Variants in ADAMTS6 observed in about 807,000 individuals in gnomAD.
ADAMTS6 encodes the protein ADAM metallopeptidase with thrombospondin type 1 motif 6.
ADAMTS6 carries 23 observed loss-of-function variants against 144.3 expected under a neutral mutation model. The observed-to-expected ratio is 0.16, with a 90% CI of 0.11 to 0.23. The LOEUF (loss-of-function observed/expected upper bound fraction) is 0.23, where lower values mean the gene tolerates loss of function less well. ADAMTS6 is among the 10% of genes least tolerant of loss of function. ADAMTS6 has a pLI of 1.00. For missense variants in ADAMTS6, 999 were observed against 1,379.6 expected (o/e 0.72, Z 4.37); for synonymous variants, 444 against 457.5 (o/e 0.97, Z 0.38).
chr5:65,424,795 T>C (rs1262145525), intron 7 of ADAMTS6, among the ~76,000 whole-genome samples: 1 of 152,234 alleles, frequency 6.6e-6, no homozygotes, highest in Non-Finnish European at 1.5e-5. Context: ...CCTGATCTTA[T>C]TTATCCTGGC....
At chr5:65,335,055 A>T (rs1278594525) in intron 7 of ADAMTS6, among the ~76,000 whole-genome samples, 1 of 152,164 alleles carries the variant, frequency 6.6e-6, no homozygotes, top group East Asian at 1.9e-4. Flanking sequence ...ATAAATAACG[A>T]TTAGTCAATA....
At chr5:65,329,716 G>C (rs150662382) in intron 8 of ADAMTS6, among the ~76,000 whole-genome samples, 1 of 152,240 alleles carries the variant, frequency 6.6e-6, no homozygotes, top group Non-Finnish European at 1.5e-5. Context: ...TAGACTAGGG[G>C]TTAGATTTAT....
intron 7 of ADAMTS6, among the ~76,000 whole-genome samples, chr5:65,429,149 T>C (rs1756792685): frequency 1.3e-5 from 2 of 152,126 alleles, no homozygotes; most frequent in African/African-American, 4.8e-5. Flanking sequence ...TCCCTGAAAA[T>C]CAGCTATTAG....
intron 7 of ADAMTS6, among the ~76,000 whole-genome samples, chr5:65,365,607 A>T (rs976946309): frequency 6.6e-6 from 1 of 151,442 alleles, no homozygotes; most frequent in African/African-American, 2.4e-5. Context: ...AGATCATGCC[A>T]TTGCACTCCA....
chr5:65,266,669 TC>T (rs1394376798), intron 12 of ADAMTS6, among the ~76,000 whole-genome samples: 11 of 151,936 alleles, frequency 7.2e-5, no homozygotes, highest in Admixed American at 6.6e-5. Context: ...AGTTCTTGAT[TC>T]CAATATGGTT....
intron 24 of ADAMTS6, among the ~76,000 whole-genome samples, chr5:65,164,707 A>G (rs2112026788): frequency 6.8e-6 from 1 of 146,412 alleles, no homozygotes; most frequent in African/African-American, 2.5e-5. Context: ...CTGCCTCCTC[A>G]AGTGGGTCCC....
chr5:65,440,884 G>A (rs1361568949), intron 7 of ADAMTS6, among the ~76,000 whole-genome samples: 1 of 152,072 alleles, frequency 6.6e-6, no homozygotes. Context: ...AGTTTCCAAG[G>A]AACTTAACTG....
At chr5:65,198,133 T>C (rs1755506622) in intron 20 of ADAMTS6, among the ~76,000 whole-genome samples, 1 of 152,158 alleles carries the variant, frequency 6.6e-6, no homozygotes, top group African/African-American at 2.4e-5. Context: ...TTTCAGATCA[T>C]ATAGCGGTAA....
chr5:65,397,785 G>C (rs1392375497), intron 7 of ADAMTS6, among the ~76,000 whole-genome samples: 1 of 151,516 alleles, frequency 6.6e-6, no homozygotes. Flanking sequence ...GTTGAGGTGG[G>C]AGGATTGCTT....
chr5:65,185,929 A>G (rs1397969156), intron 22 of ADAMTS6, among the ~76,000 whole-genome samples: 1 of 152,220 alleles, frequency 6.6e-6, no homozygotes, highest in African/African-American at 2.4e-5. Context: ...TGAGGCTTAC[A>G]TGAAGTTTTG....
intron 9 of ADAMTS6, among the ~76,000 whole-genome samples, chr5:65,313,675 G>A (rs1447690770): frequency 1.3e-5 from 2 of 151,910 alleles, no homozygotes; most frequent in East Asian, 3.9e-4. Context: ...TTACAAGTTT[G>A]GATAAAAAAC....
At chr5:65,179,336 AACCTGATGTGTGTTATGACCC>A (rs1196625853) in intron 22 of ADAMTS6, among the ~76,000 whole-genome samples, 2 of 152,186 alleles carry the variant, frequency 1.3e-5, no homozygotes, top group Admixed American at 6.5e-5. Context: ...GGAAATGACC[AACCTGATGTGTGTTATGACCC>A]ATCTGAGCCT....
At chr5:65,291,810 C>A (rs1209050306) in intron 10 of ADAMTS6, among the ~76,000 whole-genome samples, 7 of 151,780 alleles carry the variant, frequency 4.6e-5, no homozygotes, top group African/African-American at 1.7e-4. Flanking sequence ...ATAACCACAT[C>A]TGGTAGTAGA....
At chr5:65,207,708 T>G (rs1756209207) in intron 20 of ADAMTS6, among the ~76,000 whole-genome samples, 1 of 152,264 alleles carries the variant, frequency 6.6e-6, no homozygotes, top group Non-Finnish European at 1.5e-5. Context: ...CTTCTCTGAT[T>G]AGAACTGTAA....
rs79413754 is a variant in ADAMTS6 at position 65,451,978 on chromosome 5, T to G, written c.927+155A>C. Among the ~76,000 whole-genome samples the G allele has an allele frequency of 6.8e-3, 1,040 of 152,306 alleles. 30 individuals are homozygous for G. The East Asian group carries it at 0.082, about 12-fold the overall frequency. On this transcript the variant is annotated intron_variant, in intron 6 of 24. Transcript: ENST00000381055. ...ATATTCTTGTAATGTATTTAAAATT[T>G]GCTTAAGATATTAAATGTGTAGAGC...
chr5:65,411,832 T>C (rs1415299050), intron 7 of ADAMTS6, among the ~76,000 whole-genome samples: 1 of 152,166 alleles, frequency 6.6e-6, no homozygotes, highest in Non-Finnish European at 1.5e-5. Flanking sequence ...AAACTAAACT[T>C]CTAGAGTGCT....
intron 11 of ADAMTS6, among the ~76,000 whole-genome samples, chr5:65,276,128 C>G (rs191437094): frequency 1.3e-5 from 2 of 152,196 alleles, no homozygotes; most frequent in Non-Finnish European, 1.5e-5. Flanking sequence ...AAATCTCTAC[C>G]CAAAGTAGCA....
chr5:65,379,153 G>A (rs150189346), intron 7 of ADAMTS6, among the ~76,000 whole-genome samples: 13 of 152,196 alleles, frequency 8.5e-5, no homozygotes, highest in East Asian at 7.7e-4. Context: ...TGTTTTAGTC[G>A]TCATTTACAG....
chr5:65,344,517 A>C (rs975409891), intron 7 of ADAMTS6, among the ~76,000 whole-genome samples: 2 of 151,890 alleles, frequency 1.3e-5, no homozygotes, highest in African/African-American at 4.8e-5. Flanking sequence ...ATCATATTTT[A>C]CCGTATGGAT....
Sources: allele counts gnomAD v4.1 joint callset (sites outside exome capture counted in the v4.1 genomes callset), GRCh38; gene constraint gnomAD v4.1.1; transcripts MANE v1.5; gene names NCBI Gene and HGNC (gene_info 2026-07-23, HGNC 2026-07-21).